The following GHR variants were observed in gnomAD, a reference collection of about 807,000 sequenced individuals.
The protein encoded by GHR is growth hormone receptor.
In GHR, 35 loss-of-function variants were observed where a neutral mutation model predicts 67.1. The observed-to-expected ratio is 0.52, with a 90% CI of 0.40 to 0.69. The LOEUF (loss-of-function observed/expected upper bound fraction) is 0.69. Ranked by LOEUF, GHR falls within the 30% of genes least tolerant of loss-of-function variation. GHR has a pLI of 0.00. For missense variants in GHR, 792 were observed against 764.6 expected (o/e 1.04, Z -0.42); for synonymous variants, 272 against 269.1 (o/e 1.01, Z -0.10).
intron 6 of GHR, among the ~76,000 whole-genome samples, chr5:42,710,966 T>C (rs1191739101): frequency 1.3e-5 from 2 of 152,190 alleles, no homozygotes; most frequent in African/African-American, 4.8e-5. Flanking sequence ...GCTGCATTTC[T>C]TTAAGCAAGT....
chr5:42,461,193 G>A (rs530106107), intron 1 of GHR, among the ~76,000 whole-genome samples: 6 of 152,146 alleles, frequency 3.9e-5, no homozygotes, highest in Non-Finnish European at 7.4e-5. Flanking sequence ...TAATAGTGGA[G>A]GGAAGGAAGG....
chr5:42,671,050 C>G (rs891198014), intron 3 of GHR, among the ~76,000 whole-genome samples: 5 of 151,964 alleles, frequency 3.3e-5, no homozygotes, highest in African/African-American at 4.8e-5. Flanking sequence ...AAACTGAATA[C>G]AGCAGCACAT....
intron 3 of GHR, among the ~76,000 whole-genome samples, chr5:42,638,128 A>C (rs1754294135): frequency 6.6e-6 from 1 of 151,758 alleles, no homozygotes; most frequent in South Asian, 2.1e-4. Flanking sequence ...TTTAGTAGAG[A>C]CGGGATTTCA....
intron 3 of GHR, among the ~76,000 whole-genome samples, chr5:42,664,937 C>T (rs1361069945): frequency 1.3e-5 from 2 of 152,128 alleles, no homozygotes; most frequent in South Asian, 2.1e-4. Flanking sequence ...GGGCAAAGGA[C>T]ATGAACAGAC....
intron 1 of GHR, among the ~76,000 whole-genome samples, chr5:42,553,783 T>C (rs1019608213): frequency 1.3e-5 from 2 of 152,196 alleles, no homozygotes; most frequent in Non-Finnish European, 2.9e-5. Flanking sequence ...TGTCGTTGAG[T>C]GATCATTTCT....
intron 1 of GHR, among the ~76,000 whole-genome samples, chr5:42,533,573 T>C (rs1260656399): frequency 6.6e-6 from 1 of 151,996 alleles, no homozygotes; most frequent in East Asian, 1.9e-4. Context: ...TACAATAGTT[T>C]TATGTTAAAT....
At chr5:42,427,678 A>G (rs1261530610) in intron 1 of GHR, among the ~76,000 whole-genome samples, 2 of 152,138 alleles carry the variant, frequency 1.3e-5, no homozygotes, top group Non-Finnish European at 2.9e-5. Context: ...TCCACAGTCC[A>G]AAGTCTCACC....
intron 3 of GHR, among the ~76,000 whole-genome samples, chr5:42,640,054 C>T (rs906486723): frequency 2.0e-5 from 3 of 152,162 alleles, no homozygotes; most frequent in Non-Finnish European, 4.4e-5. Flanking sequence ...AGTAACCTAA[C>T]TGCCTTCTCA....
At chr5:42,651,741 T>A (rs114290095) in intron 3 of GHR, among the ~76,000 whole-genome samples, 1,661 of 152,302 alleles carry the variant, frequency 0.011, 26 homozygotes, top group African/African-American at 0.039. Context: ...GTGAGACTTC[T>A]GCTATCATCT....
At position 42,511,136 on chromosome 5, in the gene GHR, G is replaced by A. The variant is rs114742702; in HGVS notation, c.-11-54728G>A. ...CTTTGTTATTTCCCATGTGTCAGGT[G>A]AGCACCCACCTTGTGACTTTTGCTA... On this transcript the variant is annotated intron_variant, in intron 1 of 9. Transcript: ENST00000230882. Among the ~76,000 whole-genome samples, 5 of 152,272 alleles carry A rather than the reference G, an allele frequency of 3.3e-5. No homozygotes were observed. The South Asian group carries it at 1.0e-3, about 32-fold the overall frequency.
At chr5:42,507,893 T>C (rs1245084025) in intron 1 of GHR, among the ~76,000 whole-genome samples, 1 of 152,172 alleles carries the variant, frequency 6.6e-6, no homozygotes, top group African/African-American at 2.4e-5. Flanking sequence ...AGTAGGAAGT[T>C]ATCCAGCATT....
chr5:42,480,917 T>C (rs1745600339), intron 1 of GHR, among the ~76,000 whole-genome samples: 1 of 152,240 alleles, frequency 6.6e-6, no homozygotes, highest in Non-Finnish European at 1.5e-5. Context: ...TGTGTGAATT[T>C]GATCCTGTCA....
At chr5:42,521,104 C>T (rs767472044) in intron 1 of GHR, among the ~76,000 whole-genome samples, 2 of 152,148 alleles carry the variant, frequency 1.3e-5, no homozygotes, top group Non-Finnish European at 2.9e-5. Context: ...GCAATAGGCA[C>T]TCAAAAATGT....
chr5:42,558,770 G>T (rs1749445636), intron 1 of GHR, among the ~76,000 whole-genome samples: 1 of 152,122 alleles, frequency 6.6e-6, no homozygotes, highest in Non-Finnish European at 1.5e-5. Flanking sequence ...CCATGGAATT[G>T]CCTAATGATG....
chr5:42,478,266 A>G (rs1342632424), intron 1 of GHR, among the ~76,000 whole-genome samples: 1 of 152,192 alleles, frequency 6.6e-6, no homozygotes, highest in African/African-American at 2.4e-5. Flanking sequence ...TACCAGTACC[A>G]TGCTGTTTTG....
intron 1 of GHR, among the ~76,000 whole-genome samples, chr5:42,442,546 GA>G (rs1743625203): frequency 6.6e-6 from 1 of 152,084 alleles, no homozygotes; most frequent in African/African-American, 2.4e-5. Context: ...GGAGAGTATA[GA>G]GATCTTTCTG....
At chr5:42,441,050 T>G (rs1457479108) in intron 1 of GHR, among the ~76,000 whole-genome samples, 1 of 152,150 alleles carries the variant, frequency 6.6e-6, no homozygotes, top group Non-Finnish European at 1.5e-5. Flanking sequence ...ATGTATAAAT[T>G]TGTAAGACAA....
At chr5:42,506,949 TA>T (rs1746803498) in intron 1 of GHR, among the ~76,000 whole-genome samples, 1 of 152,228 alleles carries the variant, frequency 6.6e-6, no homozygotes, top group Non-Finnish European at 1.5e-5. Context: ...GCCAAACTGC[TA>T]ATCTTGGGTA....
intron 1 of GHR, among the ~76,000 whole-genome samples, chr5:42,564,758 G>C (rs1411024504): frequency 1.3e-5 from 2 of 152,116 alleles, no homozygotes; most frequent in Non-Finnish European, 1.5e-5. Flanking sequence ...TACCATGAAG[G>C]GCTATTCCAT....
Sources: allele counts gnomAD v4.1 joint callset (sites outside exome capture counted in the v4.1 genomes callset), GRCh38; gene constraint gnomAD v4.1.1; transcripts MANE v1.5; gene names NCBI Gene and HGNC (gene_info 2026-07-23, HGNC 2026-07-21).